The following BCAS3 variants were observed in gnomAD, a reference collection of about 807,000 sequenced individuals.
The protein encoded by BCAS3 is BCAS4/BCAS3 fusion.
In BCAS3, 53 loss-of-function variants were observed where a neutral mutation model predicts 116.1. The ratio of observed to expected loss-of-function variants is 0.46; its 90% confidence interval spans 0.37 to 0.57. BCAS3 has a LOEUF of 0.57. Ranked by LOEUF, BCAS3 falls within the 20% of genes least tolerant of loss-of-function variation. The probability of loss-of-function intolerance (pLI) is 0.00; values close to 1 mark genes in which losing one functional copy is unlikely to be tolerated. For synonymous variants in BCAS3, 391 were observed against 408.2 expected (o/e 0.96, Z 0.51); for missense variants, 917 against 1,165.4 (o/e 0.79, Z 3.10).
chr17:61,154,937 G>A (rs1301832544), intron 22 of BCAS3, among the ~76,000 whole-genome samples: 1 of 151,610 alleles, frequency 6.6e-6, no homozygotes, highest in Non-Finnish European at 1.5e-5. Context: ...TTGGTGGGGG[G>A]TGTTTGGCTT....
intron 5 of BCAS3, among the ~76,000 whole-genome samples, chr17:60,744,514 A>G (rs1169311385): frequency 6.6e-6 from 1 of 152,214 alleles, no homozygotes; most frequent in Non-Finnish European, 1.5e-5. Flanking sequence ...CTGTTCTGAA[A>G]TGGTACTCTA....
chr17:60,900,748 T>G (rs2057835217), intron 10 of BCAS3, among the ~76,000 whole-genome samples: 1 of 152,050 alleles, frequency 6.6e-6, no homozygotes, highest in Admixed American at 6.6e-5. Context: ...AATTAGTTCA[T>G]TTGATAGAAT....
intron 22 of BCAS3, among the ~76,000 whole-genome samples, chr17:61,195,177 C>T (rs1361728367): frequency 6.6e-6 from 1 of 152,162 alleles, no homozygotes; most frequent in Non-Finnish European, 1.5e-5. Context: ...TTTACATATA[C>T]CAATTGTGCT....
At chr17:61,067,333 G>A (rs1194911001) in intron 19 of BCAS3, among the ~76,000 whole-genome samples, 1 of 120,594 alleles carries the variant, frequency 8.3e-6, no homozygotes, top group Non-Finnish European at 1.7e-5. Flanking sequence ...AGACTTGGCA[G>A]TATTTTTGGT....
chr17:61,150,010 GTGTTTGCAGA>G (rs1446523109), intron 22 of BCAS3, among the ~76,000 whole-genome samples: 1 of 152,172 alleles, frequency 6.6e-6, no homozygotes, highest in East Asian at 1.9e-4. Flanking sequence ...TGAATATCAG[GTGTTTGCAGA>G]TGTTTTTTCC....
Position 61,333,499 on chromosome 17 carries a change from G to GA in BCAS3, c.2426-34828_2426-34827insA, listed in dbSNP as rs1412132501. Among the ~76,000 whole-genome samples, 3 of 152,234 alleles carry GA rather than the reference G, an allele frequency of 2.0e-5. No homozygotes were observed. The South Asian group carries it at 6.2e-4, about 32-fold the overall frequency. Reference sequence around the variant, plus strand: ...TCACATTGTGGCGCCCCCGACCCTTGCCAATCCCGTGCAAACCACGCAATG... The same window carrying GA: ...TCACATTGTGGCGCCCCCGACCCTTGACCAATCCCGTGCAAACCACGCAATG... On this transcript the variant is annotated intron_variant, in intron 22 of 23. Transcript: ENST00000407086. The surrounding 1 kb of genome is among the most constrained non-coding windows in gnomAD (Gnocchi z 4.8).
chr17:61,090,898 A>C (rs940093187), intron 22 of BCAS3, among the ~76,000 whole-genome samples: 7 of 152,118 alleles, frequency 4.6e-5, no homozygotes, highest in African/African-American at 1.7e-4. Flanking sequence ...CTCGCGATCC[A>C]CATGCCTCGG....
At chr17:60,869,456 C>T (rs772733775) in intron 8 of BCAS3, among the ~76,000 whole-genome samples, 2 of 152,082 alleles carry the variant, frequency 1.3e-5, no homozygotes, top group Non-Finnish European at 2.9e-5. Flanking sequence ...TGTTTTCTGC[C>T]ATTTCAGTAA....
At chr17:60,720,045 A>C (rs1278996745) in intron 5 of BCAS3, 1 of 152,232 alleles carries the variant, frequency 6.6e-6, no homozygotes, top group Non-Finnish European at 1.5e-5. Flanking sequence ...CTTATAAGTA[A>C]TAAAGGGTTC....
rs1246136663 is a variant in BCAS3, at chr17:60,884,507, G to C, written c.662-5188G>C. Among the ~76,000 whole-genome samples, 55 of 145,310 alleles carry C rather than the reference G, an allele frequency of 3.8e-4. 1 individual carries two copies. Among genetic ancestry groups the C allele is most frequent in the African/African-American group, 1.4e-3 (52 of 36,746 alleles). On this transcript the variant is annotated intron_variant, in intron 9 of 23. Transcript: ENST00000407086. ...CTAGCTTTTGAATGTGTTTGCTCTT[G>C]CTTTTCTAGTTCTTTTCATTGTGAT...
chr17:61,245,686 G>A lies in BCAS3; in HGVS notation c.2426-122641G>A, dbSNP rs1481610282. On this transcript the variant is annotated intron_variant, in intron 22 of 23. Coordinates refer to ENST00000407086, the MANE Select transcript of BCAS3 (RefSeq NM_017679.5). ...TACCTCCCTGCCTAACATTCAAGTG[G>A]TTTCAGATGGTAGGCTTTAACATAA... Among the ~76,000 whole-genome samples, 5 of 152,136 alleles carry A rather than the reference G, an allele frequency of 3.3e-5. No individual in the cohort carries two copies. The East Asian group carries it at 9.6e-4, about 29-fold the overall frequency.
Position 61,281,649 on chromosome 17 carries a change from T to C in BCAS3, c.2426-86678T>C, listed in dbSNP as rs2144668352. On this transcript the variant is annotated intron_variant, in intron 22 of 23. Coordinates refer to ENST00000407086, the MANE Select transcript of BCAS3 (RefSeq NM_017679.5). This position sits in a 1 kb window ranked among gnomAD's most constrained non-coding sequence, Gnocchi z 4.2. ...TTTCATTGTTCATGGTCTTTACCCA[T>C]CTTTATACTGGGTTTTTTATCTTAT... Among the ~76,000 whole-genome samples the C allele has an allele frequency of 6.6e-6, 1 of 152,298 alleles. No homozygotes were observed. The highest frequency in any genetic ancestry group is 2.1e-4 in the South Asian group (1 of 4,828).
intron 7 of BCAS3, among the ~76,000 whole-genome samples, chr17:60,814,486 A>G (rs1416530904): frequency 6.6e-6 from 1 of 152,060 alleles, no homozygotes; most frequent in Admixed American, 6.6e-5. Context: ...TTCTAGGTAT[A>G]TAATCATATT....
At chr17:60,836,570 T>A (rs2051396035) in intron 7 of BCAS3, among the ~76,000 whole-genome samples, 1 of 152,148 alleles carries the variant, frequency 6.6e-6, no homozygotes, top group Non-Finnish European at 1.5e-5. Context: ...GAAAATATCC[T>A]GGAAGGTTTA....
chr17:61,058,991 A>G (rs968016520), intron 19 of BCAS3, among the ~76,000 whole-genome samples: 4 of 146,062 alleles, frequency 2.7e-5, no homozygotes, highest in Admixed American at 6.9e-5. Flanking sequence ...CTGAATTTGA[A>G]CTCTGTCTCT....
rs1374987623 is a variant in BCAS3 at position 61,097,523 on chromosome 17, G to T, written c.2425+12959G>T. On this transcript the variant is annotated intron_variant, in intron 22 of 23. Coordinates refer to ENST00000407086, the MANE Select transcript of BCAS3 (RefSeq NM_017679.5). The surrounding 1 kb of genome is among the most constrained non-coding windows in gnomAD (Gnocchi z 4.0). ...ATGGTTTGGACTTTTGATAAAAAGA[G>T]AAATTGGAAAAGTAGCAGGGTGATT... 6.6e-6 allele frequency among the ~76,000 whole-genome samples: 1 copy of T among 152,162 alleles called. No homozygotes were observed. The highest frequency in any genetic ancestry group is 1.5e-5 in the Non-Finnish European group (1 of 68,032).
chr17:60,941,774 C>T lies in BCAS3; in HGVS notation c.1088-5445C>T, dbSNP rs56800323. Among the ~76,000 whole-genome samples the T allele has an allele frequency of 4.6e-4, 70 of 152,170 alleles. 1 individual carries two copies. Among genetic ancestry groups the T allele is most frequent in the African/African-American group, 1.6e-3 (66 of 41,526 alleles). On this transcript the variant is annotated intron_variant, in intron 13 of 23. Coordinates refer to ENST00000407086, the MANE Select transcript of BCAS3 (RefSeq NM_017679.5). ...TTGAAAAGCTAGGAACATATGGGAA[C>T]GTGTTCATTTGTGATTTTCATTCAT...
At chr17:61,081,586 T>G (rs143744580) in intron 21 of BCAS3, among the ~76,000 whole-genome samples, 21 of 152,194 alleles carry the variant, frequency 1.4e-4, no homozygotes, top group African/African-American at 4.6e-4. Flanking sequence ...GTTTATAAAT[T>G]TCTGTTAATT....
At chr17:61,289,975 G>A (rs7212050) in intron 22 of BCAS3, among the ~76,000 whole-genome samples, 2,977 of 152,246 alleles carry the variant, frequency 0.02, 91 homozygotes, top group African/African-American at 0.067. Context: ...AAGCAACTGG[G>A]AAACTGATGT....
Sources: gnomAD v4.1 joint callset for allele counts (sites outside exome capture counted in the v4.1 genomes callset) on GRCh38, gnomAD v4.1.1 for gene constraint, Gnocchi (gnomAD v3.1) non-coding constraint, MANE v1.5 for transcripts, NCBI Gene and HGNC (gene_info 2026-07-23, HGNC 2026-07-21) for gene names.